The following KCNIP4 variants were observed in gnomAD, a reference collection of about 807,000 sequenced individuals.
KCNIP4 encodes the protein Kv channel-interacting protein 4.
A neutral mutation model predicts 34.0 loss-of-function variants in KCNIP4; 12 were observed. The ratio of observed to expected loss-of-function variants is 0.35; its 90% confidence interval spans 0.23 to 0.57. The LOEUF (loss-of-function observed/expected upper bound fraction) is 0.57, where lower values mean the gene tolerates loss of function less well. Among genes scored for constraint, KCNIP4 ranks in the 20% least tolerant of loss-of-function variants. The pLI is 0.83. For missense variants in KCNIP4, 238 were observed against 311.7 expected, an observed-to-expected ratio of 0.76 and a Z score of 1.78; for synonymous variants, 124 against 102.2, an observed-to-expected ratio of 1.21 and a Z score of -1.29.
intron 1 of KCNIP4, among the ~76,000 whole-genome samples, chr4:21,576,436 C>A (rs1277530317): frequency 6.6e-6 from 1 of 151,792 alleles, no homozygotes; most frequent in Admixed American, 6.5e-5. Context: ...ATTTAAATAT[C>A]CTGTTACTGA....
intron 1 of KCNIP4, among the ~76,000 whole-genome samples, chr4:20,904,210 G>A (rs892740703): frequency 2.0e-5 from 3 of 151,876 alleles, no homozygotes; most frequent in African/African-American, 7.3e-5. Flanking sequence ...GGTCAAGTTG[G>A]TGTCATCCAG....
chr4:21,942,653 C>G (rs1030327760), intron 1 of KCNIP4, among the ~76,000 whole-genome samples: 9 of 152,206 alleles, frequency 5.9e-5, no homozygotes, highest in Non-Finnish European at 1.2e-4. Flanking sequence ...GCTTAACATG[C>G]AATCAAATGT....
rs542778630 is a variant in KCNIP4 at position 20,905,767 on chromosome 4, G to T, written c.62-23058C>A. ...AAACTCCTGATGTCGTGATCCGCCC[G>T]CCTTGGCCTCCCAAAGAGCTGGGAT... On this transcript the variant is annotated intron_variant, in intron 1 of 8. Transcript: ENST00000382152. 5.8e-4 allele frequency among the ~76,000 whole-genome samples: 88 copies of T among 151,570 alleles called. 4 individuals are homozygous for T. Among genetic ancestry groups the T allele is most frequent in the Admixed American group, 5.3e-3 (80 of 15,216 alleles).
intron 1 of KCNIP4, among the ~76,000 whole-genome samples, chr4:21,599,972 A>C (rs1235437323): frequency 1.3e-5 from 2 of 152,046 alleles, no homozygotes; most frequent in Non-Finnish European, 2.9e-5. Flanking sequence ...TTCAGTAATA[A>C]ATATCATTTT....
chr4:21,455,527 A>G (rs1373777013), intron 1 of KCNIP4, among the ~76,000 whole-genome samples: 1 of 151,802 alleles, frequency 6.6e-6, no homozygotes, highest in Non-Finnish European at 1.5e-5. Context: ...ACAGATATAT[A>G]GATGACAGAT....
At chr4:21,550,304 G>A (rs1206339463) in intron 1 of KCNIP4, among the ~76,000 whole-genome samples, 1 of 152,002 alleles carries the variant, frequency 6.6e-6, no homozygotes, top group African/African-American at 2.4e-5. Context: ...TATTAACATT[G>A]GAAGCAATTC....
Position 20,850,592 on chromosome 4 carries a change from C to G in KCNIP4, c.239G>C (p.Ser80Thr). 6.2e-7 allele frequency: 1 copy of G among 1,612,898 alleles called. No homozygotes were observed. Among genetic ancestry groups the G allele is most frequent in the South Asian group, 1.1e-5 (1 of 91,018 alleles). ...PEALELLEAQSKFTKKELQIL... is the reference protein window; with the variant it reads ...PEALELLEAQTKFTKKELQIL... ...CTGAAGCTCTTTCTTGGTAAATTTG[C>G]TCTGGGCTTCCAGAAGCTCAAGGGC... The change falls in exon 3 of 9, where the codon AGC becomes ACC. Residue 80 changes from serine to threonine, a missense_variant. By Grantham distance (58) the Ser-to-Thr change is moderately conservative. Transcript: ENST00000382152.
At chr4:20,776,532 A>G (rs1193600264) in intron 3 of KCNIP4, among the ~76,000 whole-genome samples, 1 of 152,214 alleles carries the variant, frequency 6.6e-6, no homozygotes, top group Admixed American at 6.5e-5. Context: ...TACAATGCTC[A>G]TATGAAAATA....
chr4:20,851,124 G>T (rs1720981146), intron 2 of KCNIP4, among the ~76,000 whole-genome samples: 2 of 152,142 alleles, frequency 1.3e-5, no homozygotes, highest in Admixed American at 1.3e-4. Flanking sequence ...GTGGTTTGCT[G>T]CACAGATCAT....
chr4:21,187,341 A>G (rs7659618), intron 1 of KCNIP4, among the ~76,000 whole-genome samples: 35,906 of 152,088 alleles, frequency 0.24, 4,885 homozygotes, highest in African/African-American at 0.37. Flanking sequence ...AAATAAAATG[A>G]AATTTCTAAT....
chr4:21,141,917 C>T (rs562078403), intron 1 of KCNIP4, among the ~76,000 whole-genome samples: 42 of 151,142 alleles, frequency 2.8e-4, no homozygotes, highest in African/African-American at 9.5e-4. Flanking sequence ...TTTGGGAGGC[C>T]GAGGTGTGTG....
chr4:21,673,430 AT>A (rs971220528), intron 1 of KCNIP4, among the ~76,000 whole-genome samples: 2 of 152,206 alleles, frequency 1.3e-5, no homozygotes, highest in African/African-American at 4.8e-5. Context: ...ATTAATTTTC[AT>A]TTAAAATAAA....
intron 1 of KCNIP4, among the ~76,000 whole-genome samples, chr4:21,812,773 A>G (rs1721738146): frequency 6.6e-6 from 1 of 152,158 alleles, no homozygotes; most frequent in African/African-American, 2.4e-5. Flanking sequence ...ATGCTAAGAA[A>G]TTGGGTGCTT....
chr4:21,676,580 C>G (rs887400357), intron 1 of KCNIP4, among the ~76,000 whole-genome samples: 1 of 152,188 alleles, frequency 6.6e-6, no homozygotes, highest in African/African-American at 2.4e-5. Context: ...TATACTCATT[C>G]AAGGAACTTT....
intron 1 of KCNIP4, among the ~76,000 whole-genome samples, chr4:21,654,201 G>T (rs2108976105): frequency 6.6e-6 from 1 of 152,314 alleles, no homozygotes; most frequent in South Asian, 2.1e-4. Flanking sequence ...AGAATGAAAT[G>T]TAATAAATTT....
chr4:20,782,749 T>C (rs1351931805), intron 3 of KCNIP4, among the ~76,000 whole-genome samples: 1 of 152,164 alleles, frequency 6.6e-6, no homozygotes, highest in Non-Finnish European at 1.5e-5. Flanking sequence ...TGACACACCC[T>C]GGAGACACTT....
At chr4:21,470,864 AG>A (rs1730409382) in intron 1 of KCNIP4, among the ~76,000 whole-genome samples, 1 of 152,190 alleles carries the variant, frequency 6.6e-6, no homozygotes, top group Non-Finnish European at 1.5e-5. Context: ...AAATCATTAG[AG>A]AAGTACTTTT....
At chr4:21,580,242 T>A (rs1741107420) in intron 1 of KCNIP4, among the ~76,000 whole-genome samples, 1 of 152,098 alleles carries the variant, frequency 6.6e-6, no homozygotes, top group Non-Finnish European at 1.5e-5. Context: ...TTAGGCCTTA[T>A]CTATCTCCTT....
At chr4:20,927,244 T>C (rs1395453804) in intron 1 of KCNIP4, among the ~76,000 whole-genome samples, 2 of 152,190 alleles carry the variant, frequency 1.3e-5, no homozygotes, top group African/African-American at 4.8e-5. Flanking sequence ...CCCAAAGTCC[T>C]GGGATTACAG....
Sources: gnomAD v4.1 joint callset for allele counts (sites outside exome capture counted in the v4.1 genomes callset) on GRCh38, gnomAD v4.1.1 for gene constraint, MANE v1.5 for transcripts, NCBI Gene and HGNC (gene_info 2026-07-23, HGNC 2026-07-21) for gene names.